The following ZHX2 variants were observed in gnomAD, a reference collection of about 807,000 sequenced individuals.
ZHX2 encodes zinc fingers and homeoboxes protein 2.
In ZHX2, 6 loss-of-function variants were observed where a neutral mutation model predicts 21.9. The observed-to-expected ratio is 0.27, with a 90% confidence interval of 0.15 to 0.54. The LOEUF is 0.54. ZHX2 is among the 20% of genes least tolerant of loss of function. The pLI is 0.95. For synonymous variants in ZHX2, 434 were observed against 437.1 expected, an observed-to-expected ratio of 0.99 and a Z score of 0.09; for missense variants, 908 against 1,090.7, an observed-to-expected ratio of 0.83 and a Z score of 2.36.
In ZHX2 at chr8:122,951,723, C is replaced by T; in HGVS notation, c.213C>T (p.Ser71=). 4 of 1,614,008 alleles carry T rather than the reference C, an allele frequency of 2.5e-6. No individual in the cohort carries two copies. The highest frequency in any genetic ancestry group is 1.1e-5 in the South Asian group (1 of 91,066). The change falls in exon 3 of 4, where the codon TCC becomes TCT. Residue 71 remains serine, a synonymous_variant. Transcript: ENST00000314393. ...TGAAATCTATGGGGGAAAGCCAGTC[C>T]AAAAAACTCCAAGGTGGTTATGAGT... is the stretch of plus-strand genomic sequence containing the variant. ...IEVKSMGESQ[S]KKLQGGYECK...
chr8:122,894,333 C>T (rs1424514458), intron 2 of ZHX2, among the ~76,000 whole-genome samples: 1 of 152,188 alleles, frequency 6.6e-6, no homozygotes, highest in Non-Finnish European at 1.5e-5. Flanking sequence ...CTGTATGAAA[C>T]CATGAAATAA....
chr8:122,892,381 G>C lies in ZHX2; in HGVS notation c.-220+28842G>C, dbSNP rs562054673. Reference sequence around the variant, plus strand: ...GTCTTGTGTTTAACTCATTAAGCCAGTGTATTTTTTTAAATTGGAAATTTT... The same window carrying C: ...GTCTTGTGTTTAACTCATTAAGCCACTGTATTTTTTTAAATTGGAAATTTT... On this transcript the variant is annotated intron_variant, in intron 2 of 3. Transcript: ENST00000314393. 3.3e-5 allele frequency among the ~76,000 whole-genome samples: 5 copies of C among 152,294 alleles called. No individual in the cohort carries two copies. The South Asian group carries it at 1.0e-3, about 32-fold the overall frequency.
intron 2 of ZHX2, among the ~76,000 whole-genome samples, chr8:122,914,209 C>G (rs928211917): frequency 1.3e-5 from 2 of 152,230 alleles, no homozygotes; most frequent in Non-Finnish European, 2.9e-5. Flanking sequence ...TGCTAGGGAG[C>G]AGCTGCTCTC....
At chr8:122,882,649 T>C (rs2129796816) in intron 2 of ZHX2, among the ~76,000 whole-genome samples, 1 of 152,202 alleles carries the variant, frequency 6.6e-6, no homozygotes, top group African/African-American at 2.4e-5. Flanking sequence ...CTGCTTGCAA[T>C]CTTTCCATCA....
chr8:122,860,509 A>G (rs1819138978), intron 1 of ZHX2, among the ~76,000 whole-genome samples: 1 of 152,258 alleles, frequency 6.6e-6, no homozygotes, highest in African/African-American at 2.4e-5. Context: ...TTAACAAACC[A>G]CAATCCTAGT....
At chr8:122,883,937 T>G (rs1341830834) in intron 2 of ZHX2, among the ~76,000 whole-genome samples, 1 of 152,238 alleles carries the variant, frequency 6.6e-6, no homozygotes, top group Non-Finnish European at 1.5e-5. Flanking sequence ...TGCCATGTAA[T>G]GACGGGAATA....
intron 1 of ZHX2, among the ~76,000 whole-genome samples, chr8:122,802,436 G>A (rs972036742): frequency 6.6e-6 from 1 of 152,218 alleles, no homozygotes; most frequent in East Asian, 1.9e-4. Context: ...GGTTCCTGCA[G>A]GTAAGACCTG....
chr8:122,972,468 G>A (rs564369728), intron 3 of ZHX2, among the ~76,000 whole-genome samples: 2 of 152,242 alleles, frequency 1.3e-5, no homozygotes, highest in Admixed American at 6.5e-5. Context: ...CCACTTACTA[G>A]CTGTGTGATC....
rs1419949942 is a variant in ZHX2, at chr8:122,782,752, C to T, written c.-283+806C>T. 6.6e-6 allele frequency among the ~76,000 whole-genome samples: 1 copy of T among 152,070 alleles called. No individual in the cohort carries two copies. The highest frequency in any genetic ancestry group is 2.1e-4 in the South Asian group (1 of 4,838). ...CGGGGCGGGGGGCCGAGGGCGGCCGCGGGACCCCCGGCCCTGCTGTCCGCT... is the reference window on the plus strand; with the variant it reads ...CGGGGCGGGGGGCCGAGGGCGGCCGTGGGACCCCCGGCCCTGCTGTCCGCT... On this transcript the variant is annotated intron_variant, in intron 1 of 3. Coordinates refer to ENST00000314393, the MANE Select transcript of ZHX2 (RefSeq NM_014943.5). The surrounding 1 kb of genome is among the most constrained non-coding windows in gnomAD (Gnocchi z 5.3).
At chr8:122,816,218 A>G (rs756834312) in intron 1 of ZHX2, among the ~76,000 whole-genome samples, 21 of 152,124 alleles carry the variant, frequency 1.4e-4, no homozygotes, top group Non-Finnish European at 2.6e-4. Flanking sequence ...GATTATTAGC[A>G]TTTTTTAACA....
chr8:122,810,753 T>C (rs1485253977), intron 1 of ZHX2, among the ~76,000 whole-genome samples: 3 of 152,148 alleles, frequency 2.0e-5, no homozygotes, highest in Non-Finnish European at 4.4e-5. Context: ...CCAAGGAGTG[T>C]TGTATGTGAA....
intron 2 of ZHX2, among the ~76,000 whole-genome samples, chr8:122,922,678 C>G (rs1820768261): frequency 6.6e-6 from 1 of 152,196 alleles, no homozygotes; most frequent in African/African-American, 2.4e-5. Context: ...TGGGTCCCTT[C>G]AAGAAGCACA....
chr8:122,865,015 T>G (rs1487610381), intron 2 of ZHX2, among the ~76,000 whole-genome samples: 1 of 152,106 alleles, frequency 6.6e-6, no homozygotes, highest in African/African-American at 2.4e-5. Flanking sequence ...ACAGCCTGGA[T>G]GAGAATCGAG....
intron 2 of ZHX2, among the ~76,000 whole-genome samples, chr8:122,927,495 A>T (rs991151952): frequency 2.1e-5 from 3 of 143,780 alleles, no homozygotes; most frequent in African/African-American, 5.1e-5. Flanking sequence ...ATTCCATCTT[A>T]AAAAAAAAAT....
At chr8:122,913,320 G>T (rs1319519401) in intron 2 of ZHX2, among the ~76,000 whole-genome samples, 5 of 152,172 alleles carry the variant, frequency 3.3e-5, no homozygotes, top group Admixed American at 2.0e-4. Context: ...AAATAGTGCT[G>T]CTATGAACAC....
chr8:122,797,849 G>A (rs1323856244), intron 1 of ZHX2, among the ~76,000 whole-genome samples: 1 of 152,148 alleles, frequency 6.6e-6, no homozygotes, highest in Admixed American at 6.6e-5. Flanking sequence ...TCTAATTACT[G>A]CCAGCACTAA....
At chr8:122,918,005 T>C (rs1281872904) in intron 2 of ZHX2, among the ~76,000 whole-genome samples, 1 of 152,226 alleles carries the variant, frequency 6.6e-6, no homozygotes, top group African/African-American at 2.4e-5. Context: ...TTTTCTTACC[T>C]TTCATAGCCC....
chr8:122,840,977 G>C (rs139417083), intron 1 of ZHX2, among the ~76,000 whole-genome samples: 2 of 152,152 alleles, frequency 1.3e-5, no homozygotes, highest in Non-Finnish European at 2.9e-5. Flanking sequence ...GCATGCCTCC[G>C]TTCATCCTCC....
Position 122,951,766 on chromosome 8 carries a change from T to A in ZHX2, c.256T>A (p.Ser86Thr). The A allele has an allele frequency of 6.2e-7, 1 of 1,614,002 alleles. No individual in the cohort carries two copies. Among genetic ancestry groups the A allele is most frequent in the Non-Finnish European group, 8.5e-7 (1 of 1,180,024 alleles). Residue 86 changes from serine to threonine, a missense_variant, in exon 3 of 4, where the codon TCC (serine) becomes ACC (threonine). Ser to Thr is a moderately conservative substitution (Grantham distance 58, BLOSUM62 1). Coordinates refer to ENST00000314393, the MANE Select transcript of ZHX2 (RefSeq NM_014943.5). ...TTATGAGTGCAAATACTGCCCCTAC[T>A]CCACGCAAAACCTGAACGAGTTCAC... The part of the protein sequence containing the change: ...GGYECKYCPY[S>T]TQNLNEFTEH...
Sources: allele counts gnomAD v4.1 joint callset (sites outside exome capture counted in the v4.1 genomes callset), GRCh38; gene constraint gnomAD v4.1.1; non-coding constraint Gnocchi (gnomAD v3.1); transcripts MANE v1.5; gene names NCBI Gene and HGNC (gene_info 2026-07-23, HGNC 2026-07-21).